The following DST variants were observed in gnomAD, a reference collection of about 807,000 sequenced individuals.
The protein encoded by DST is dystonin.
In DST, 253 loss-of-function variants were observed where a neutral mutation model predicts 875.2. That is an observed-to-expected ratio of 0.29 (90% confidence interval 0.26 to 0.32). The LOEUF is 0.32. Among genes scored for constraint, DST ranks in the 10% least tolerant of loss-of-function variants. The pLI is 1.00. For synonymous variants in DST, 3,124 were observed against 3,197.1 expected (o/e 0.98, Z 0.77); for missense variants, 8,287 against 9,111.6 (o/e 0.91, Z 3.68).
At chr6:56,612,466 T>A (rs1244645033) in intron 37 of DST, among the ~76,000 whole-genome samples, 2 of 152,218 alleles carry the variant, frequency 1.3e-5, no homozygotes, top group Non-Finnish European at 2.9e-5. Context: ...GTCAGAGAAA[T>A]AAAATTGATC....
chr6:56,661,606 G>C (rs994481828), intron 10 of DST, among the ~76,000 whole-genome samples: 5 of 149,536 alleles, frequency 3.3e-5, no homozygotes, highest in African/African-American at 1.2e-4. Context: ...TTTTTTTTGA[G>C]GCTGAGTTTC....
rs2144407 is a variant in DST, at chr6:56,640,265, A to G, written c.2368T>C (p.Leu790=). 0.06 allele frequency: 96,602 copies of G among 1,613,986 alleles called. 7,475 individuals are homozygous for G. Among genetic ancestry groups the G allele is most frequent in the African/African-American group, 0.39 (29,138 of 74,922 alleles). The change falls in exon 18 of 104, where the codon TTG becomes CTG. Residue 790 remains leucine (L), a synonymous_variant. Transcript: ENST00000680361. ...SGVEPNSLQT[L]KLMQIRKPLL... ...GGTTTTCGGATCTGCATCAACTTCAAAGTTTGCAATGAATTTGGCTCTACT... is the reference window on the plus strand; with the variant it reads ...GGTTTTCGGATCTGCATCAACTTCAGAGTTTGCAATGAATTTGGCTCTACT...
At chr6:56,582,177 T>C (rs2098016165) in intron 49 of DST, among the ~76,000 whole-genome samples, 1 of 152,168 alleles carries the variant, frequency 6.6e-6, no homozygotes, top group South Asian at 2.1e-4. Flanking sequence ...ACCTAAAATA[T>C]ACATCTGACC....
intron 3 of DST, among the ~76,000 whole-genome samples, chr6:56,883,681 A>G (rs1049478773): frequency 6.6e-6 from 1 of 152,202 alleles, no homozygotes; most frequent in South Asian, 2.1e-4. Flanking sequence ...AAGTAAAACT[A>G]TAGAGAACTG....
At chr6:56,918,847 G>A (rs749828896) in intron 2 of DST, among the ~76,000 whole-genome samples, 21 of 152,112 alleles carry the variant, frequency 1.4e-4, no homozygotes, top group Non-Finnish European at 2.5e-4. Flanking sequence ...AGCTGAGATC[G>A]CACACTCCTG....
At chr6:56,560,452 T>C (rs1221051427) in intron 57 of DST, 29 bp from the exon 58 acceptor site, 6 of 1,564,624 alleles carry the variant, frequency 3.8e-6, no homozygotes, top group Non-Finnish European at 5.2e-6. Context: ...TAATAAATCA[T>C]GTGTACAGCA....
At chr6:56,672,928 C>T (rs1448235785) in intron 9 of DST, among the ~76,000 whole-genome samples, 7 of 152,060 alleles carry the variant, frequency 4.6e-5, no homozygotes, top group Admixed American at 6.6e-5. Flanking sequence ...ACGATCGCAA[C>T]GGTTCAGAGA....
In DST at chr6:56,831,472, C is replaced by T. The variant is rs534236814; in HGVS notation, c.625+19925G>A. The stretch of plus-strand genomic sequence containing the variant: ...TCCACCCACACATAACACAAAGCCT[C>T]TCCCTTCCCCAGCTCCCACTGAAAT... On this transcript the variant is annotated intron_variant, in intron 4 of 103. Transcript: ENST00000680361. Among the ~76,000 whole-genome samples, 221 of 152,270 alleles carry T rather than the reference C, an allele frequency of 1.5e-3. 1 individual carries two copies. The highest frequency in any genetic ancestry group is 1.4e-3 in the Non-Finnish European group (97 of 68,018).
At chr6:56,624,448 T>C (rs1356567645) in intron 36 of DST, 82 bp downstream of exon 36, 1 of 881,076 alleles carries the variant, frequency 1.1e-6, no homozygotes, top group East Asian at 2.4e-5. Context: ...ATGAAACATG[T>C]TTTGCTTTCC....
intron 83 of DST, 82 bp downstream of exon 83, chr6:56,493,928 T>C: frequency 8.8e-7 from 1 of 1,130,546 alleles, no homozygotes; most frequent in Non-Finnish European, 1.2e-6. Flanking sequence ...CTACTCCTGA[T>C]AGCTCTACTC....
chr6:56,561,665 G>C, intron 56 of DST, 116 bp from the exon 57 acceptor site: 1 of 965,576 alleles, frequency 1.0e-6, no homozygotes, highest in Non-Finnish European at 1.5e-6. Context: ...TCATTATTAA[G>C]CCTAGTAGAT....
At chr6:56,642,619 T>C (rs1447471169) in intron 15 of DST, 116 bp from the exon 16 acceptor site, 1 of 1,614,088 alleles carries the variant, frequency 6.2e-7, no homozygotes, top group South Asian at 1.1e-5. Context: ...AATGATTCAA[T>C]ACCTGTGTCC....
intron 37 of DST, 134 bp downstream of exon 37, chr6:56,614,222 T>C (rs901651441): frequency 2.8e-5 from 20 of 724,718 alleles, no homozygotes; most frequent in Non-Finnish European, 3.8e-5. Context: ...TTAATCTTTC[T>C]GATTTGCATT....
chr6:56,910,675 G>A (rs769482370), intron 2 of DST, among the ~76,000 whole-genome samples: 4 of 151,312 alleles, frequency 2.6e-5, no homozygotes, highest in African/African-American at 4.9e-5. Flanking sequence ...AGTAGAGACA[G>A]GGTTTCACCA....
At chr6:56,916,350 CA>C (rs1800909873) in intron 2 of DST, among the ~76,000 whole-genome samples, 1 of 152,212 alleles carries the variant, frequency 6.6e-6, no homozygotes, top group Non-Finnish European at 1.5e-5. Context: ...CTAGAAACTA[CA>C]AAGTATTGGA....
chr6:56,817,582 C>G (rs1349326345), intron 4 of DST, among the ~76,000 whole-genome samples: 1 of 152,082 alleles, frequency 6.6e-6, no homozygotes, highest in African/African-American at 2.4e-5. Flanking sequence ...TATTTCTCCC[C>G]TTTGTATTCA....
chr6:56,461,013 T>A (rs1049394800), intron 102 of DST: 3 of 151,606 alleles, frequency 2.0e-5, no homozygotes, highest in Non-Finnish European at 4.4e-5. Context: ...CTCCCAAAGT[T>A]AAAAAAAATA....
At chr6:56,920,590 A>C (rs1286411902) in intron 2 of DST, among the ~76,000 whole-genome samples, 3 of 152,210 alleles carry the variant, frequency 2.0e-5, no homozygotes. Flanking sequence ...GTCTATAAAA[A>C]GTACTTCAAA....
rs551209953 is a variant in DST at position 56,469,829 on chromosome 6, C to G, written c.22551+54G>C. 5.5e-6 allele frequency: 8 copies of G among 1,459,292 alleles called. No individual in the cohort carries two copies. The African/African-American group carries it at 1.1e-4, about 20-fold the overall frequency. The allele number at this position is 1,459,292 out of a possible 1,614,324, so 90.4% of individuals were successfully genotyped here. Reference sequence around the variant, plus strand: ...AAAACAATGGAGATCAAATTGTATACAGATTTCAATTTATGTCCTTTAAAG... The same window carrying G: ...AAAACAATGGAGATCAAATTGTATAGAGATTTCAATTTATGTCCTTTAAAG... On this transcript the variant is annotated intron_variant, in intron 97 of 103. Transcript: ENST00000680361.
Sources: allele counts gnomAD v4.1 joint callset (sites outside exome capture counted in the v4.1 genomes callset), GRCh38; gene constraint gnomAD v4.1.1; transcripts MANE v1.5; gene names NCBI Gene and HGNC (gene_info 2026-07-23, HGNC 2026-07-21).